Variants in SLC24A3 observed in about 807,000 individuals in gnomAD.
SLC24A3 encodes sodium/potassium/calcium exchanger 3.
In SLC24A3, 28 loss-of-function variants were observed where a neutral mutation model predicts 75.8. That is an observed-to-expected ratio of 0.37 (90% CI 0.27 to 0.51). SLC24A3 has a LOEUF of 0.51. SLC24A3 is among the 20% of genes least tolerant of loss of function. The pLI is 0.94. For missense variants in SLC24A3, 663 were observed against 847.8 expected (o/e 0.78, Z 2.71); for synonymous variants, 372 against 334.1 (o/e 1.11, Z -1.24).
chr20:19,414,016 C>A (rs561585887), intron 2 of SLC24A3, among the ~76,000 whole-genome samples: 1 of 152,208 alleles, frequency 6.6e-6, no homozygotes, highest in Non-Finnish European at 1.5e-5. Flanking sequence ...AAAGGACAAA[C>A]AAATCTCTGA....
intron 3 of SLC24A3, among the ~76,000 whole-genome samples, chr20:19,523,434 G>A (rs1009156330): frequency 2.0e-5 from 3 of 152,240 alleles, no homozygotes; most frequent in African/African-American, 4.8e-5. Context: ...TAAAACTGGT[G>A]TCCAGAGAGG....
intron 1 of SLC24A3, among the ~76,000 whole-genome samples, chr20:19,264,925 TA>T (rs1301654454): frequency 6.6e-6 from 1 of 152,132 alleles, no homozygotes; most frequent in Non-Finnish European, 1.5e-5. Flanking sequence ...GCAACCTTTG[TA>T]ATGCATGTTT....
At chr20:19,322,751 C>T (rs1984743012) in intron 2 of SLC24A3, among the ~76,000 whole-genome samples, 1 of 152,152 alleles carries the variant, frequency 6.6e-6, no homozygotes, top group Non-Finnish European at 1.5e-5. Flanking sequence ...GGCTCACAGC[C>T]ACAAGCTCCT....
intron 2 of SLC24A3, among the ~76,000 whole-genome samples, chr20:19,449,452 A>G (rs2122479571): frequency 6.6e-6 from 1 of 152,312 alleles, no homozygotes; most frequent in Middle Eastern, 3.4e-3. Context: ...TCAACCTGAC[A>G]GAGTCCTAGG....
rs116874055 is a variant in SLC24A3, at chr20:19,705,700, G to C, written c.1719+7020G>C. 5.9e-4 allele frequency among the ~76,000 whole-genome samples: 90 copies of C among 152,182 alleles called. No homozygotes were observed. The East Asian group carries it at 0.016, about 27-fold the overall frequency. ...TCACAAGGGACCTGCCAACAATTTT[G>C]AGCAATTTTTTCATCTCATCTAGAT... On this transcript the variant is annotated intron_variant, in intron 15 of 16. Transcript: ENST00000328041.
intron 2 of SLC24A3, among the ~76,000 whole-genome samples, chr20:19,417,889 AAGCCAGACC>A (rs1380066564): frequency 6.6e-6 from 1 of 152,198 alleles, no homozygotes; most frequent in African/African-American, 2.4e-5. Flanking sequence ...CCAGAAATGA[AAGCCAGACC>A]TGTACTCTCT....
chr20:19,699,375 A>G (rs1287817279), intron 15 of SLC24A3, among the ~76,000 whole-genome samples: 5 of 152,244 alleles, frequency 3.3e-5, no homozygotes, highest in African/African-American at 1.2e-4. Flanking sequence ...TGCAGCCCAC[A>G]GGGTGAGACT....
chr20:19,617,327 C>A (rs2031748728), intron 6 of SLC24A3, among the ~76,000 whole-genome samples: 1 of 152,220 alleles, frequency 6.6e-6, no homozygotes, highest in African/African-American at 2.4e-5. Context: ...ACAAGGACAG[C>A]ATGCCCCTAA....
rs887036824 is a variant in SLC24A3 at position 19,271,333 on chromosome 20, A to T, written c.143-9626A>T. Among the ~76,000 whole-genome samples, 8 of 152,266 alleles carry T rather than the reference A, an allele frequency of 5.3e-5. No homozygotes were observed. In the East Asian group the frequency reaches 1.2e-3, roughly 22 times the overall value. Reference sequence around the variant, plus strand: ...AATGGCCATAATTAAAAAATAAAAAAAAAAAAAGATGTTGGTGTGGATGTG... The same window carrying T: ...AATGGCCATAATTAAAAAATAAAAATAAAAAAAGATGTTGGTGTGGATGTG... On this transcript the variant is annotated intron_variant, in intron 1 of 16. Coordinates refer to ENST00000328041, the MANE Select transcript of SLC24A3 (RefSeq NM_020689.4).
chr20:19,686,972 A>T (rs1182732188), intron 12 of SLC24A3, among the ~76,000 whole-genome samples: 1 of 152,220 alleles, frequency 6.6e-6, no homozygotes, highest in East Asian at 1.9e-4. Context: ...TTAAGGATTA[A>T]ATGGCAAAAC....
In SLC24A3 at chr20:19,513,565, CA is replaced by C. The variant is rs1434722963; in HGVS notation, c.272-1922del. ...TCCTCCAGGCTTCTCCCAGTTTATT[CA>C]TTGTTCAGAGGGGCTCTGTGCAGCC... On this transcript the variant is annotated intron_variant, in intron 2 of 16. Coordinates refer to ENST00000328041, the MANE Select transcript of SLC24A3 (RefSeq NM_020689.4). 2.0e-5 allele frequency among the ~76,000 whole-genome samples: 3 copies of C among 152,136 alleles called. No homozygotes were observed. The South Asian group carries it at 6.2e-4, about 31-fold the overall frequency.
intron 2 of SLC24A3, among the ~76,000 whole-genome samples, chr20:19,364,422 TC>T (rs968967966): frequency 2.2e-4 from 34 of 151,822 alleles, no homozygotes; most frequent in African/African-American, 7.3e-4. Flanking sequence ...GAATAAGGTG[TC>T]CACACACGGC....
intron 3 of SLC24A3, among the ~76,000 whole-genome samples, chr20:19,523,784 A>T (rs912784579): frequency 3.9e-5 from 6 of 152,228 alleles, no homozygotes; most frequent in Admixed American, 1.3e-4. Flanking sequence ...ACATGAAAGC[A>T]GGTGGATGAA....
At chr20:19,704,028 TCCCC>T (rs1366430409) in intron 15 of SLC24A3, among the ~76,000 whole-genome samples, 3 of 152,186 alleles carry the variant, frequency 2.0e-5, no homozygotes, top group Non-Finnish European at 4.4e-5. Context: ...GGTCTGAGTC[TCCCC>T]CTGGAGAAGT....
At chr20:19,671,346 A>C (rs956387090) in intron 8 of SLC24A3, among the ~76,000 whole-genome samples, 19 of 151,360 alleles carry the variant, frequency 1.3e-4, no homozygotes, top group African/African-American at 4.4e-4. Context: ...TGCAAGGAAA[A>C]AGGAAACTTT....
At chr20:19,475,983 C>T (rs952345513) in intron 2 of SLC24A3, among the ~76,000 whole-genome samples, 2 of 152,186 alleles carry the variant, frequency 1.3e-5, no homozygotes, top group Non-Finnish European at 2.9e-5. Flanking sequence ...ATGGGAATAG[C>T]CTTGGCCAAA....
chr20:19,471,589 G>T (rs1162666847), intron 2 of SLC24A3, among the ~76,000 whole-genome samples: 1 of 152,124 alleles, frequency 6.6e-6, no homozygotes, highest in African/African-American at 2.4e-5. Flanking sequence ...CCAATGTCAA[G>T]ACAAGGACAT....
intron 2 of SLC24A3, among the ~76,000 whole-genome samples, chr20:19,498,008 C>T (rs1299047616): frequency 6.6e-6 from 1 of 152,128 alleles, no homozygotes; most frequent in African/African-American, 2.4e-5. Context: ...CACGTTAATA[C>T]CTGAGCTCCA....
intron 2 of SLC24A3, among the ~76,000 whole-genome samples, chr20:19,429,440 A>G (rs1021433700): frequency 2.0e-5 from 3 of 152,252 alleles, no homozygotes; most frequent in Non-Finnish European, 2.9e-5. Flanking sequence ...AAAGAAGCCT[A>G]TGGAAAGCGT....
Sources: allele counts gnomAD v4.1 joint callset (sites outside exome capture counted in the v4.1 genomes callset), GRCh38; gene constraint gnomAD v4.1.1; transcripts MANE v1.5; gene names NCBI Gene and HGNC (gene_info 2026-07-23, HGNC 2026-07-21).